Variants in TMEM132B observed in about 807,000 individuals in gnomAD.
TMEM132B encodes transmembrane protein 132B.
A neutral mutation model predicts 90.8 loss-of-function variants in TMEM132B; 18 were observed. The observed-to-expected ratio is 0.20, with a 90% CI of 0.14 to 0.29. The LOEUF (loss-of-function observed/expected upper bound fraction) is 0.29, where lower values mean the gene tolerates loss of function less well. Among genes scored for constraint, TMEM132B ranks in the 10% least tolerant of loss-of-function variants. The probability of loss-of-function intolerance (pLI) is 1.00; values close to 1 mark genes in which losing one functional copy is unlikely to be tolerated. For missense variants in TMEM132B, 1,096 were observed against 1,326.8 expected (o/e 0.83, Z 2.70); for synonymous variants, 504 against 523.3 (o/e 0.96, Z 0.50).
chr12:125,502,000 A>T (rs933061338), intron 3 of TMEM132B, among the ~76,000 whole-genome samples: 1 of 152,208 alleles, frequency 6.6e-6, no homozygotes, highest in Admixed American at 6.5e-5. Context: ...GTGTATCTGC[A>T]TGAGTGTGTG....
intron 2 of TMEM132B, among the ~76,000 whole-genome samples, chr12:125,381,817 A>G (rs528932839): frequency 6.6e-6 from 1 of 152,346 alleles, no homozygotes; most frequent in South Asian, 2.1e-4. Flanking sequence ...GTTGATCCAC[A>G]GGTGATGTGC....
At chr12:125,359,339 G>A (rs1215293773) in intron 2 of TMEM132B, among the ~76,000 whole-genome samples, 1 of 152,046 alleles carries the variant, frequency 6.6e-6, no homozygotes, top group African/African-American at 2.4e-5. Flanking sequence ...TATTAGTTAT[G>A]TTTTTTCCAA....
At chr12:125,573,838 G>C (rs1884865950) in intron 4 of TMEM132B, among the ~76,000 whole-genome samples, 1 of 152,190 alleles carries the variant, frequency 6.6e-6, no homozygotes, top group Non-Finnish European at 1.5e-5. Context: ...TGCTCAAAAA[G>C]AGTGCTTGTG....
At chr12:125,652,304 A>C in intron 7 of TMEM132B, 137 bp from the exon 8 acceptor site, 1 of 725,966 alleles carries the variant, frequency 1.4e-6, no homozygotes, top group Non-Finnish European at 2.2e-6. Context: ...CAACGGCATA[A>C]TACTTCCCTA....
chr12:125,435,968 C>G (rs1168878389), intron 3 of TMEM132B, among the ~76,000 whole-genome samples: 1 of 152,006 alleles, frequency 6.6e-6, no homozygotes, highest in Admixed American at 6.5e-5. Context: ...TCCTGCCCCT[C>G]GGTGCCCCAC....
intron 3 of TMEM132B, among the ~76,000 whole-genome samples, chr12:125,505,761 G>A (rs1882831759): frequency 6.6e-6 from 1 of 151,916 alleles, no homozygotes; most frequent in South Asian, 2.1e-4. Flanking sequence ...GGAAGAAAGA[G>A]TCAGTGAACT....
intron 1 of TMEM132B, among the ~76,000 whole-genome samples, chr12:125,222,193 G>A (rs759136359): frequency 6.6e-6 from 1 of 152,178 alleles, no homozygotes; most frequent in Non-Finnish European, 1.5e-5. Flanking sequence ...ACTCCCAGGG[G>A]ACAATAAGTT....
At chr12:125,622,916 CA>C (rs1417795298) in intron 5 of TMEM132B, among the ~76,000 whole-genome samples, 1 of 152,148 alleles carries the variant, frequency 6.6e-6, no homozygotes, top group Non-Finnish European at 1.5e-5. Context: ...TTAGAAAACA[CA>C]AGCCCTGCAG....
Position 125,652,491 on chromosome 12 carries a change from C to T in TMEM132B, c.1965C>T (p.Val655=), listed in dbSNP as rs1427542279. Residue 655 remains valine (V), a synonymous_variant, in exon 8 of 9, where the codon GTC becomes GTT. Transcript: ENST00000682704. ...DSILAEKTVI[V]LDDRVTIAEL... ...TCCTGGCTGAGAAGACGGTGATTGT[C>T]CTGGATGACCGAGTCACCATCGCGG... 3 of 1,613,310 alleles carry T rather than the reference C, an allele frequency of 1.9e-6. No individual in the cohort carries two copies. The East Asian group carries it at 6.7e-5, about 36-fold the overall frequency.
At chr12:125,377,595 TC>T (rs1408959759) in intron 2 of TMEM132B, among the ~76,000 whole-genome samples, 1 of 151,954 alleles carries the variant, frequency 6.6e-6, no homozygotes, top group East Asian at 1.9e-4. Flanking sequence ...TGTAAGTAGC[TC>T]AGAACAGGGC....
chr12:125,466,022 A>G (rs1317757445), intron 3 of TMEM132B, among the ~76,000 whole-genome samples: 9 of 152,162 alleles, frequency 5.9e-5, no homozygotes, highest in Non-Finnish European at 1.2e-4. Flanking sequence ...TATTTTCTTT[A>G]TAAATTACCC....
intron 3 of TMEM132B, among the ~76,000 whole-genome samples, chr12:125,508,780 CTT>C (rs756913141): frequency 3.3e-4 from 45 of 135,832 alleles, no homozygotes; most frequent in Non-Finnish European, 3.2e-4. Flanking sequence ...TTCTTTCTTT[CTT>C]TTTTTTTTTT....
intron 5 of TMEM132B, among the ~76,000 whole-genome samples, chr12:125,603,997 G>A (rs1885628610): frequency 6.6e-6 from 1 of 152,146 alleles, no homozygotes; most frequent in South Asian, 2.1e-4. Flanking sequence ...CACTGTTGGT[G>A]GGAATGTAAA....
At chr12:125,467,567 A>G (rs1422776448) in intron 3 of TMEM132B, among the ~76,000 whole-genome samples, 1 of 152,218 alleles carries the variant, frequency 6.6e-6, no homozygotes, top group African/African-American at 2.4e-5. Context: ...CCTACACATC[A>G]GTGAAGAAAT....
chr12:125,437,969 C>A (rs930371522), intron 3 of TMEM132B, among the ~76,000 whole-genome samples: 9 of 151,946 alleles, frequency 5.9e-5, no homozygotes, highest in Non-Finnish European at 1.0e-4. Context: ...TTTATTTTAC[C>A]ACAACAAAAA....
intron 3 of TMEM132B, among the ~76,000 whole-genome samples, chr12:125,497,630 C>T (rs1449210076): frequency 6.6e-6 from 1 of 152,134 alleles, no homozygotes; most frequent in African/African-American, 2.4e-5. Context: ...GTATCTCTTT[C>T]TTTGTGAAGT....
intron 5 of TMEM132B, among the ~76,000 whole-genome samples, chr12:125,599,847 G>A (rs1172648464): frequency 1.3e-5 from 2 of 152,168 alleles, no homozygotes; most frequent in Non-Finnish European, 2.9e-5. Flanking sequence ...TATTTGGTGA[G>A]TGGGGAAAAC....
intron 2 of TMEM132B, among the ~76,000 whole-genome samples, chr12:125,391,618 G>C (rs1879021506): frequency 6.6e-6 from 1 of 152,182 alleles, no homozygotes. Flanking sequence ...GGGGCAGTCT[G>C]TGTGCGTGGA....
chr12:125,411,942 G>A (rs1045378773), intron 2 of TMEM132B, among the ~76,000 whole-genome samples: 1 of 152,166 alleles, frequency 6.6e-6, no homozygotes, highest in African/African-American at 2.4e-5. Flanking sequence ...CTCAAGTCCT[G>A]CCTCCCTGCC....
Sources: gnomAD v4.1 joint callset for allele counts (sites outside exome capture counted in the v4.1 genomes callset) on GRCh38, gnomAD v4.1.1 for gene constraint, MANE v1.5 for transcripts, NCBI Gene and HGNC (gene_info 2026-07-23, HGNC 2026-07-21) for gene names.